The following FBXO11 variants were observed in gnomAD, a reference collection of about 807,000 sequenced individuals.
FBXO11 encodes the protein F-box protein 11.
FBXO11 carries 13 observed loss-of-function variants against 117.0 expected under a neutral mutation model. The ratio of observed to expected loss-of-function variants is 0.11; its 90% confidence interval spans 0.07 to 0.18. The LOEUF is 0.18. Among genes scored for constraint, FBXO11 ranks in the 10% least tolerant of loss-of-function variants. FBXO11 has a pLI of 1.00. For missense variants in FBXO11, 767 were observed against 1,164.4 expected (o/e 0.66, Z 4.97); for synonymous variants, 490 against 380.5 (o/e 1.29, Z -3.35).
At chr2:47,833,273 C>G (rs1672317275) in intron 7 of FBXO11, among the ~76,000 whole-genome samples, 1 of 152,054 alleles carries the variant, frequency 6.6e-6, no homozygotes, top group Admixed American at 6.6e-5. Context: ...ACTATAAATA[C>G]TATGAATATA....
intron 1 of FBXO11, among the ~76,000 whole-genome samples, chr2:47,844,991 G>A (rs1248737929): frequency 6.6e-6 from 1 of 152,190 alleles, no homozygotes; most frequent in Non-Finnish European, 1.5e-5. Flanking sequence ...GTGGGTTAAT[G>A]TCTCTATCAG....
intron 1 of FBXO11, among the ~76,000 whole-genome samples, chr2:47,847,538 G>A (rs1430454885): frequency 2.0e-5 from 3 of 151,768 alleles, no homozygotes; most frequent in Admixed American, 2.0e-4. Context: ...GTGAAACTCT[G>A]TCTCTACCAA....
chr2:47,810,604 A>G, intron 18 of FBXO11, 178 bp from the exon 19 acceptor site: 1 of 499,642 alleles, frequency 2.0e-6, no homozygotes. Context: ...ATCTAACAAA[A>G]TTGCTACAAT....
intron 19 of FBXO11, chr2:47,810,019 C>T (rs1018690458): frequency 2.9e-5 from 14 of 488,580 alleles, no homozygotes; most frequent in African/African-American, 1.8e-4. Context: ...GTAAATTCAT[C>T]TGAGGAATTG....
intron 1 of FBXO11, among the ~76,000 whole-genome samples, chr2:47,848,602 T>C (rs1673603013): frequency 6.6e-6 from 1 of 152,234 alleles, no homozygotes; most frequent in African/African-American, 2.4e-5. Flanking sequence ...AATATCAAAA[T>C]TTATTTTATA....
chr2:47,880,049 G>A lies in FBXO11; in HGVS notation c.232+25440C>T, dbSNP rs538341636. ...CTCACTCTGTCACCCAGGTTGGAGT[G>A]TAGTGGTGCAATCTCGGTTTACTGC... On this transcript the variant is annotated intron_variant, in intron 1 of 22. Transcript: ENST00000403359. Among the ~76,000 whole-genome samples the A allele has an allele frequency of 1.1e-4, 16 of 151,768 alleles. No homozygotes were observed. The South Asian group carries it at 1.9e-3, about 18-fold the overall frequency.
intron 1 of FBXO11, among the ~76,000 whole-genome samples, chr2:47,850,512 A>G (rs531257917): frequency 5.6e-4 from 86 of 152,354 alleles, no homozygotes; most frequent in Middle Eastern, 3.4e-3. Context: ...GTTTCATGGT[A>G]GACGTGCCAT....
At chr2:47,852,604 C>G (rs1274949586) in intron 1 of FBXO11, among the ~76,000 whole-genome samples, 2 of 152,102 alleles carry the variant, frequency 1.3e-5, no homozygotes, top group Non-Finnish European at 2.9e-5. Flanking sequence ...TTTTACTTTT[C>G]ACTACTAAGT....
intron 1 of FBXO11, among the ~76,000 whole-genome samples, chr2:47,897,348 C>G (rs527565470): frequency 1.3e-5 from 2 of 152,194 alleles, no homozygotes; most frequent in Non-Finnish European, 2.9e-5. Context: ...TACAGTAACA[C>G]AGACACCAAT....
chr2:47,851,538 ATC>A (rs755978920), intron 1 of FBXO11, among the ~76,000 whole-genome samples: 6 of 151,946 alleles, frequency 3.9e-5, no homozygotes, highest in African/African-American at 4.8e-5. Flanking sequence ...ATTAATTTTC[ATC>A]TGTTTGCTAG....
chr2:47,819,474 A>G (rs868782972), intron 14 of FBXO11, among the ~76,000 whole-genome samples: 2 of 152,284 alleles, frequency 1.3e-5, no homozygotes, highest in South Asian at 4.1e-4. Context: ...TTGGCCTCCC[A>G]AAGTGCTGGG....
chr2:47,904,213 CG>C (rs1678553885), intron 1 of FBXO11, among the ~76,000 whole-genome samples: 1 of 152,104 alleles, frequency 6.6e-6, no homozygotes, highest in South Asian at 2.1e-4. Context: ...TGACAACAAA[CG>C]CATGTAAAAT....
intron 1 of FBXO11, among the ~76,000 whole-genome samples, chr2:47,860,035 C>T (rs1461622111): frequency 2.6e-5 from 4 of 151,996 alleles, no homozygotes; most frequent in Non-Finnish European, 4.4e-5. Context: ...TCTGATAAAC[C>T]GATAAAATAA....
intron 1 of FBXO11, among the ~76,000 whole-genome samples, chr2:47,875,945 T>C (rs555831602): frequency 6.6e-6 from 1 of 152,318 alleles, no homozygotes. Context: ...CAAACATGTA[T>C]AGAGTAGTAC....
chr2:47,849,887 A>T (rs1314502205), intron 1 of FBXO11, among the ~76,000 whole-genome samples: 1 of 152,192 alleles, frequency 6.6e-6, no homozygotes, highest in African/African-American at 2.4e-5. Flanking sequence ...GCTATTACAA[A>T]CACTTAAAAT....
At chr2:47,830,289 A>G (rs1456280799) in intron 11 of FBXO11, among the ~76,000 whole-genome samples, 1 of 152,184 alleles carries the variant, frequency 6.6e-6, no homozygotes, top group Non-Finnish European at 1.5e-5. Flanking sequence ...ATCGTGAGGG[A>G]AAGAAAGAAA....
In FBXO11 at chr2:47,884,281, C is replaced by T. The variant is rs547381529; in HGVS notation, c.232+21208G>A. Among the ~76,000 whole-genome samples the T allele has an allele frequency of 2.0e-5, 3 of 152,244 alleles. No individual in the cohort carries two copies. In the East Asian group the frequency reaches 5.8e-4, roughly 29 times the overall value. ...GAAAAGCTGGTTCCTGTACATGTGG[C>T]TCTGTGTGCACATGTGTACAGCTCT... On this transcript the variant is annotated intron_variant, in intron 1 of 22. Transcript: ENST00000403359.
intron 16 of FBXO11, among the ~76,000 whole-genome samples, chr2:47,816,455 A>C (rs1471304391): frequency 6.6e-6 from 1 of 152,176 alleles, no homozygotes; most frequent in Non-Finnish European, 1.5e-5. Flanking sequence ...TGCTTGGATT[A>C]CAGCACTTTT....
intron 1 of FBXO11, among the ~76,000 whole-genome samples, chr2:47,873,578 T>C (rs1675781662): frequency 1.3e-5 from 2 of 152,064 alleles, no homozygotes; most frequent in African/African-American, 4.8e-5. Flanking sequence ...TCAAAGGCAC[T>C]TGTGTCTCTT....
Sources: allele counts gnomAD v4.1 joint callset (sites outside exome capture counted in the v4.1 genomes callset), GRCh38; gene constraint gnomAD v4.1.1; transcripts MANE v1.5; gene names NCBI Gene and HGNC (gene_info 2026-07-23, HGNC 2026-07-21).